The following PLXNA4 variants were observed in gnomAD, a reference collection of about 807,000 sequenced individuals.
PLXNA4 encodes the protein plexin A4.
Under a neutral mutation model 191.8 loss-of-function variants are expected in PLXNA4, and 44 were observed. The ratio of observed to expected loss-of-function variants is 0.23; its 90% CI spans 0.18 to 0.29. PLXNA4 has a LOEUF of 0.29. Among genes scored for constraint, PLXNA4 ranks in the 10% least tolerant of loss-of-function variants. The probability of loss-of-function intolerance (pLI) is 1.00; values close to 1 mark genes in which losing one functional copy is unlikely to be tolerated. For missense variants in PLXNA4, 1,800 were observed against 2,488.8 expected, an observed-to-expected ratio of 0.72 and a Z score of 5.89; for synonymous variants, 1,082 against 1,009.5, an observed-to-expected ratio of 1.07 and a Z score of -1.36.
intron 3 of PLXNA4, among the ~76,000 whole-genome samples, chr7:132,379,383 T>C (rs1186618196): frequency 2.0e-5 from 3 of 152,188 alleles, no homozygotes; most frequent in African/African-American, 4.8e-5. Flanking sequence ...TAGGTTGATA[T>C]GACCTGGCTT....
intron 4 of PLXNA4, among the ~76,000 whole-genome samples, chr7:132,247,972 A>G (rs894494513): frequency 2.6e-5 from 4 of 152,184 alleles, no homozygotes; most frequent in African/African-American, 9.6e-5. Flanking sequence ...TTCACTCCCT[A>G]AAAAGAAGAC....
At chr7:132,323,006 C>T (rs1454134075) in intron 3 of PLXNA4, among the ~76,000 whole-genome samples, 1 of 152,148 alleles carries the variant, frequency 6.6e-6, no homozygotes, top group Non-Finnish European at 1.5e-5. Context: ...GGGTGGTGCA[C>T]ATTTGTATCA....
chr7:132,604,187 T>G (rs1465451703), intron 2 of PLXNA4, among the ~76,000 whole-genome samples: 1 of 152,140 alleles, frequency 6.6e-6, no homozygotes, highest in African/African-American at 2.4e-5. Flanking sequence ...TATGCATGCC[T>G]TTCCCCAAGA....
intron 3 of PLXNA4, among the ~76,000 whole-genome samples, chr7:132,405,591 C>T (rs1198194334): frequency 6.6e-6 from 1 of 152,192 alleles, no homozygotes; most frequent in African/African-American, 2.4e-5. Context: ...CAGGCCTCCT[C>T]AATCTGGAGC....
At chr7:132,256,593 C>A (rs978595017) in intron 4 of PLXNA4, among the ~76,000 whole-genome samples, 23 of 152,178 alleles carry the variant, frequency 1.5e-4, no homozygotes, top group African/African-American at 5.3e-4. Context: ...TGGCTCCAAA[C>A]TTCACTGAGC....
At chr7:132,400,974 C>T (rs2117039670) in intron 3 of PLXNA4, among the ~76,000 whole-genome samples, 1 of 152,338 alleles carries the variant, frequency 6.6e-6, no homozygotes, top group African/African-American at 2.4e-5. Context: ...CTGCAAATAG[C>T]TATCTGTGCA....
At chr7:132,602,433 C>A (rs112739122) in intron 2 of PLXNA4, among the ~76,000 whole-genome samples, 62 of 152,296 alleles carry the variant, frequency 4.1e-4, no homozygotes, top group Middle Eastern at 3.4e-3. Flanking sequence ...TCTACCAGCT[C>A]CTTTATGGCC....
In PLXNA4 at chr7:132,311,197, C is replaced by CGT. The variant is rs1181188430; in HGVS notation, c.1372-12977_1372-12976dup. ...GTGTGTGTGTGTGTGTGTGTGTGCG[C>CGT]GTGTGGCCTAAAGGAGGGTCAGAAG... is the stretch of plus-strand genomic sequence containing the variant. On this transcript the variant is annotated intron_variant, in intron 3 of 31. Transcript: ENST00000321063. Among the ~76,000 whole-genome samples the CGT allele has an allele frequency of 4.8e-3, 360 of 74,796 alleles. 10 individuals carry two copies. Among genetic ancestry groups the CGT allele is most frequent in the African/African-American group, 0.018 (340 of 18,636 alleles). 49.1% of individuals were successfully genotyped at this position (74,796 alleles called of 152,430 possible). A position where few individuals can be genotyped will look rare whatever the true frequency, so the allele number is the denominator to read the frequency against.
chr7:132,170,206 C>A (rs1474249341), intron 21 of PLXNA4, among the ~76,000 whole-genome samples: 8 of 152,258 alleles, frequency 5.3e-5, no homozygotes, highest in Non-Finnish European at 1.2e-4. Flanking sequence ...GATCTAAGTC[C>A]ATACTGCCAT....
intron 3 of PLXNA4, among the ~76,000 whole-genome samples, chr7:132,320,756 C>A (rs940178854): frequency 1.1e-4 from 16 of 152,248 alleles, no homozygotes; most frequent in African/African-American, 3.6e-4. Context: ...AGAGTTTGGG[C>A]TCCTGACCAG....
At chr7:132,198,448 C>T (rs750294211) in intron 13 of PLXNA4, 37 bp downstream of exon 13, 1 of 1,605,624 alleles carries the variant, frequency 6.2e-7, no homozygotes, top group Non-Finnish European at 8.5e-7. Flanking sequence ...CGTCTTCCCT[C>T]CCCTGTTCCT....
In PLXNA4 at chr7:132,507,499, T is replaced by C. The variant is rs368770784; in HGVS notation, c.1188+7A>G. On this transcript the variant is annotated splice_region_variant and intron_variant, in intron 2 of 31. Transcript: ENST00000321063. ...CCATCCCAGCGCGCAGCCCTCCCTG[T>C]ACTCACCGCACTGCTGCAGGGGATG... 1.9e-4 allele frequency: 304 copies of C among 1,604,842 alleles called. No individual in the cohort carries two copies. Among genetic ancestry groups the C allele is most frequent in the Non-Finnish European group, 2.5e-4 (297 of 1,175,972 alleles).
rs1448828333 is a variant in PLXNA4, at chr7:132,613,291, C to T, written c.-87+32637G>A. Among the ~76,000 whole-genome samples, 10 of 152,278 alleles carry T rather than the reference C, an allele frequency of 6.6e-5. No individual in the cohort carries two copies. The South Asian group carries it at 1.5e-3, about 22-fold the overall frequency. On this transcript the variant is annotated intron_variant, in intron 2 of 4. Coordinates refer to the PLXNA4 transcript ENST00000378539. ...TGCTCTGTACATAGCTGCCTCCTCA[C>T]GCCACCAGCTTCTACTAAAAGGTCA...
intron 3 of PLXNA4, among the ~76,000 whole-genome samples, chr7:132,356,801 G>T (rs557523032): frequency 6.6e-6 from 1 of 152,350 alleles, no homozygotes; most frequent in African/African-American, 2.4e-5. Flanking sequence ...CAAAACAGAA[G>T]TTGGAGGCAG....
intron 30 of PLXNA4, 81 bp from the exon 31 acceptor site, chr7:132,133,280 T>C: frequency 6.4e-7 from 1 of 1,555,392 alleles, no homozygotes; most frequent in Non-Finnish European, 8.7e-7. Flanking sequence ...GCACCGTGTC[T>C]GGGGCCATGA....
At chr7:132,518,762 C>A (rs557105732) in intron 1 of PLXNA4, among the ~76,000 whole-genome samples, 1 of 152,192 alleles carries the variant, frequency 6.6e-6, no homozygotes, top group Non-Finnish European at 1.5e-5. Flanking sequence ...GGAGGCTGAG[C>A]CTGTGAGCCT....
At chr7:132,539,820 A>G (rs112333811) in intron 1 of PLXNA4, among the ~76,000 whole-genome samples, 1 of 152,380 alleles carries the variant, frequency 6.6e-6, no homozygotes, top group Non-Finnish European at 1.5e-5. Flanking sequence ...CTAGGCAACT[A>G]TCAAGGATCT....
intron 1 of PLXNA4, among the ~76,000 whole-genome samples, chr7:132,563,191 C>A (rs1801408799): frequency 2.2e-5 from 2 of 89,160 alleles, no homozygotes; most frequent in Admixed American, 1.2e-4. Context: ...CTCCTTCCTC[C>A]TCCTCCTCTT....
chr7:132,283,899 A>T (rs1038296492), intron 4 of PLXNA4, among the ~76,000 whole-genome samples: 5 of 152,354 alleles, frequency 3.3e-5, no homozygotes, highest in Admixed American at 3.3e-4. Context: ...CAAGGGCTGG[A>T]TAGAGTGGCT....
Sources: allele counts gnomAD v4.1 joint callset (sites outside exome capture counted in the v4.1 genomes callset), GRCh38; gene constraint gnomAD v4.1.1; transcripts MANE v1.5; gene names NCBI Gene and HGNC (gene_info 2026-07-23, HGNC 2026-07-21).